The following BTLA variants were observed in gnomAD, a reference collection of about 807,000 sequenced individuals.
BTLA encodes the protein B- and T-lymphocyte attenuator.
In BTLA, 11 loss-of-function variants were observed where a neutral mutation model predicts 25.0. The observed-to-expected ratio is 0.44, with a 90% CI of 0.28 to 0.73. The LOEUF (loss-of-function observed/expected upper bound fraction) is 0.73, where lower values mean the gene tolerates loss of function less well. Ranked by LOEUF, BTLA falls within the 30% of genes least tolerant of loss-of-function variation. BTLA has a pLI of 0.15. For missense variants in BTLA, 282 were observed against 332.8 expected, an observed-to-expected ratio of 0.85 and a Z score of 1.19; for synonymous variants, 104 against 119.8, an observed-to-expected ratio of 0.87 and a Z score of 0.86.
chr3:112,467,256 G>A (rs965435867), intron 4 of BTLA, among the ~76,000 whole-genome samples: 2 of 152,022 alleles, frequency 1.3e-5, no homozygotes, highest in South Asian at 2.1e-4. Flanking sequence ...CACCACTCCC[G>A]GCAAGAAAAT....
chr3:112,486,159 C>T (rs895904519), intron 1 of BTLA, among the ~76,000 whole-genome samples: 1 of 152,050 alleles, frequency 6.6e-6, no homozygotes, highest in Non-Finnish European at 1.5e-5. Context: ...TTCTACTCCC[C>T]CCCAGGCTCT....
intron 1 of BTLA, among the ~76,000 whole-genome samples, chr3:112,480,326 C>T (rs993537767): frequency 4.6e-5 from 7 of 152,206 alleles, no homozygotes; most frequent in African/African-American, 1.7e-4. Flanking sequence ...TTTTTGGACT[C>T]AGCCCGCCTG....
At chr3:112,476,576 C>G (rs533877599) in intron 2 of BTLA, among the ~76,000 whole-genome samples, 1 of 152,286 alleles carries the variant, frequency 6.6e-6, no homozygotes, top group African/African-American at 2.4e-5. Context: ...ATTTCTCCTT[C>G]CCAGTAACTT....
chr3:112,486,716 A>C (rs796999309), intron 1 of BTLA, among the ~76,000 whole-genome samples: 7 of 152,368 alleles, frequency 4.6e-5, no homozygotes, highest in African/African-American at 1.7e-4. Flanking sequence ...AACATTAAAA[A>C]AATTTCAATT....
At chr3:112,491,387 G>A (rs1441660141) in intron 1 of BTLA, among the ~76,000 whole-genome samples, 15 of 152,202 alleles carry the variant, frequency 9.9e-5, no homozygotes, top group Non-Finnish European at 4.4e-5. Context: ...TTATTATGAG[G>A]TAGGCACTTT....
intron 2 of BTLA, among the ~76,000 whole-genome samples, chr3:112,471,597 C>T (rs1349841093): frequency 6.6e-6 from 1 of 152,190 alleles, no homozygotes; most frequent in African/African-American, 2.4e-5. Context: ...TAGAGTTAAT[C>T]TTCCACAGAA....
chr3:112,468,958 G>T (rs564895542), intron 4 of BTLA, among the ~76,000 whole-genome samples: 8 of 152,188 alleles, frequency 5.3e-5, no homozygotes, highest in African/African-American at 1.9e-4. Context: ...TTTTAAGAGG[G>T]TTACTACTTC....
At position 112,496,766 on chromosome 3, in the gene BTLA, C is replaced by CT. The variant is rs35137876; in HGVS notation, c.88+2504dup. ...ACCAGTACTTCACTCAAGTCTTTCCCTTTTTTTTTTGAGTGCAGTGGTGTG... is the reference window on the plus strand; with the variant it reads ...ACCAGTACTTCACTCAAGTCTTTCCCTTTTTTTTTTTGAGTGCAGTGGTGTG... On this transcript the variant is annotated intron_variant, in intron 1 of 4. Transcript: ENST00000334529. Among the ~76,000 whole-genome samples, 319 of 148,868 alleles carry CT rather than the reference C, an allele frequency of 2.1e-3. 3 individuals are homozygous for CT. The South Asian group carries it at 0.029, about 14-fold the overall frequency.
intron 4 of BTLA, among the ~76,000 whole-genome samples, chr3:112,466,883 G>C (rs2107305269): frequency 6.6e-6 from 1 of 152,034 alleles, no homozygotes; most frequent in Admixed American, 6.5e-5. Flanking sequence ...ATTGATGTCA[G>C]TTTTGGAAAG....
chr3:112,467,161 C>T (rs909786141), intron 4 of BTLA, among the ~76,000 whole-genome samples: 8 of 152,024 alleles, frequency 5.3e-5, no homozygotes, highest in Admixed American at 2.0e-4. Flanking sequence ...GGGGTTTCAC[C>T]ATTTTAGCCA....
At chr3:112,487,143 T>C (rs912860096) in intron 1 of BTLA, among the ~76,000 whole-genome samples, 2 of 152,264 alleles carry the variant, frequency 1.3e-5, no homozygotes, top group African/African-American at 2.4e-5. Context: ...TCAAATGATA[T>C]ATACTACAAA....
At chr3:112,494,109 CAA>C (rs1224424668) in intron 1 of BTLA, among the ~76,000 whole-genome samples, 1 of 144,082 alleles carries the variant, frequency 6.9e-6, no homozygotes, top group Non-Finnish European at 1.5e-5. Context: ...CACTCTATCT[CAA>C]AAAAAAAAAG....
chr3:112,474,270 G>C (rs1422963708), intron 2 of BTLA, among the ~76,000 whole-genome samples: 1 of 152,000 alleles, frequency 6.6e-6, no homozygotes, highest in Non-Finnish European at 1.5e-5. Flanking sequence ...TGAAAAGCAT[G>C]GTCCTTAAAC....
chr3:112,497,166 T>G (rs1401358258), intron 1 of BTLA, among the ~76,000 whole-genome samples: 1 of 152,274 alleles, frequency 6.6e-6, no homozygotes, highest in Admixed American at 6.5e-5. Flanking sequence ...AATTCTCATT[T>G]AATTACATAG....
chr3:112,469,084 A>G (rs187398352), intron 4 of BTLA, among the ~76,000 whole-genome samples: 1 of 152,190 alleles, frequency 6.6e-6, no homozygotes, highest in South Asian at 2.1e-4. Context: ...CCACAAATAT[A>G]TTGCCTCATC....
intron 2 of BTLA, among the ~76,000 whole-genome samples, chr3:112,473,867 T>G (rs2082276125): frequency 1.3e-5 from 2 of 152,034 alleles, no homozygotes. Context: ...TTGTTCGTCT[T>G]GGCCTCCCAA....
intron 1 of BTLA, among the ~76,000 whole-genome samples, chr3:112,484,146 G>C (rs905980628): frequency 6.6e-6 from 1 of 152,062 alleles, no homozygotes; most frequent in Non-Finnish European, 1.5e-5. Context: ...GAAATGGAAC[G>C]GAAAAGTCTT....
intron 1 of BTLA, among the ~76,000 whole-genome samples, chr3:112,482,644 C>A (rs986302737): frequency 6.6e-6 from 1 of 152,154 alleles, no homozygotes; most frequent in African/African-American, 2.4e-5. Context: ...AAAGGACCTG[C>A]AGACAACTTT....
intron 2 of BTLA, among the ~76,000 whole-genome samples, chr3:112,475,598 G>A (rs2082284916): frequency 6.6e-6 from 1 of 152,166 alleles, no homozygotes; most frequent in South Asian, 2.1e-4. Context: ...AAATTGCAAT[G>A]CTACTTTTGT....
Sources: gnomAD v4.1 joint callset for allele counts (sites outside exome capture counted in the v4.1 genomes callset) on GRCh38, gnomAD v4.1.1 for gene constraint, MANE v1.5 for transcripts, NCBI Gene and HGNC (gene_info 2026-07-23, HGNC 2026-07-21) for gene names.